The following ADAMTS9 variants were observed in gnomAD, a reference collection of about 807,000 sequenced individuals.
ADAMTS9 encodes A disintegrin and metalloproteinase with thrombospondin motifs 9.
In ADAMTS9, 107 loss-of-function variants were observed where a neutral mutation model predicts 257.1. That is an observed-to-expected ratio of 0.42 (90% CI 0.36 to 0.49). ADAMTS9 has a LOEUF of 0.49. Among genes scored for constraint, ADAMTS9 ranks in the 20% least tolerant of loss-of-function variants. The probability of loss-of-function intolerance (pLI) is 0.03; values close to 1 mark genes in which losing one functional copy is unlikely to be tolerated. For missense variants in ADAMTS9, 2,353 were observed against 2,469.1 expected, an observed-to-expected ratio of 0.95 and a Z score of 1.00; for synonymous variants, 982 against 880.9, an observed-to-expected ratio of 1.11 and a Z score of -2.03.
rs1041585117 is a variant in ADAMTS9 at position 64,650,710 on chromosome 3, T to C, written c.1463+307A>G. ...CTGTGGCCTTCATTAAGAAATCACATTCATAGTCCCTCTCCCAATGTCTGA... is the reference window on the plus strand; with the variant it reads ...CTGTGGCCTTCATTAAGAAATCACACTCATAGTCCCTCTCCCAATGTCTGA... On this transcript the variant is annotated intron_variant, in intron 9 of 39. Coordinates refer to ENST00000498707, the MANE Select transcript of ADAMTS9 (RefSeq NM_182920.2). 6 of 269,052 alleles carry C rather than the reference T, an allele frequency of 2.2e-5. No homozygotes were observed. The Admixed American group carries it at 2.3e-4, about 10-fold the overall frequency. 16.7% of individuals were successfully genotyped at this position (269,052 alleles called of 1,614,324 possible). A position where few individuals can be genotyped will look rare whatever the true frequency, so the allele number is the denominator to read the frequency against.
intron 38 of ADAMTS9, among the ~76,000 whole-genome samples, chr3:64,528,627 C>T (rs1340841407): frequency 6.6e-6 from 1 of 152,124 alleles, no homozygotes; most frequent in Non-Finnish European, 1.5e-5. Context: ...ATGTCCTTCC[C>T]ACCAGCTATC....
rs573076075 is a variant in ADAMTS9 at position 64,604,413 on chromosome 3, G to A, written c.3475-82C>T. 196 of 1,032,712 alleles carry A rather than the reference G, an allele frequency of 1.9e-4. 2 individuals carry two copies. The South Asian group carries it at 3.4e-3, about 18-fold the overall frequency. 64.0% of individuals were successfully genotyped at this position (1,032,712 alleles called of 1,614,324 possible). A position where few individuals can be genotyped will look rare whatever the true frequency, so the allele number is the denominator to read the frequency against. Reference sequence around the variant, plus strand: ...GGTAATGGTCATGGTGGATAAAAATGTAAAGGCTAAGAATTCTAAGGCTTC... The same window carrying A: ...GGTAATGGTCATGGTGGATAAAAATATAAAGGCTAAGAATTCTAAGGCTTC... On this transcript the variant is annotated intron_variant, in intron 23 of 39. Transcript: ENST00000498707.
chr3:64,609,791 A>G (rs529595802), intron 22 of ADAMTS9, among the ~76,000 whole-genome samples: 2 of 152,312 alleles, frequency 1.3e-5, no homozygotes, highest in African/African-American at 2.4e-5. Context: ...TCTCAAATTC[A>G]TATGGAATGA....
At position 64,621,608 on chromosome 3, in the gene ADAMTS9, A is replaced by G. The variant is rs2106862621; in HGVS notation, c.2687-368T>C. Among the ~76,000 whole-genome samples, 2 of 152,032 alleles carry G rather than the reference A, an allele frequency of 1.3e-5. 1 individual carries two copies. The highest frequency in any genetic ancestry group is 4.2e-4 in the South Asian group (2 of 4,812). The stretch of plus-strand genomic sequence containing the variant: ...GAAACCCGTTCTCTACCAAAAACAC[A>G]AAAATTACCCGGGCATGGTGGCATG... On this transcript the variant is annotated intron_variant, in intron 18 of 39. Transcript: ENST00000498707.
intron 28 of ADAMTS9, among the ~76,000 whole-genome samples, chr3:64,573,128 G>A (rs1382631971): frequency 6.6e-6 from 1 of 151,734 alleles, no homozygotes; most frequent in Non-Finnish European, 1.5e-5. Context: ...AAAGGCAGGG[G>A]CTTAGAAAAA....
At chr3:64,585,247 G>A (rs1202020817) in intron 28 of ADAMTS9, among the ~76,000 whole-genome samples, 1 of 152,202 alleles carries the variant, frequency 6.6e-6, no homozygotes, top group Non-Finnish European at 1.5e-5. Context: ...AGCAAACACA[G>A]TCTGCTTTTT....
chr3:64,526,084 T>TACAATATATAGTATATATTATTATAA (rs2082906874), intron 38 of ADAMTS9, among the ~76,000 whole-genome samples: 1 of 113,130 alleles, frequency 8.8e-6, no homozygotes, highest in Non-Finnish European at 1.9e-5. Context: ...TATAATAAAA[T>TACAATATATAGTATATATTATTATAA]AATACAATAT....
intron 12 of ADAMTS9, among the ~76,000 whole-genome samples, chr3:64,639,383 A>G (rs1700584631): frequency 1.5e-5 from 2 of 137,270 alleles, no homozygotes; most frequent in African/African-American, 5.5e-5. Flanking sequence ...GTCTTTAATG[A>G]TCGGTTCTTA....
chr3:64,584,889 A>G (rs1288999095), intron 28 of ADAMTS9, among the ~76,000 whole-genome samples: 1 of 152,184 alleles, frequency 6.6e-6, no homozygotes, highest in South Asian at 2.1e-4. Context: ...TAAATACCGT[A>G]CAACTCTCTA....
At chr3:64,557,172 T>C (rs1332444573) in intron 30 of ADAMTS9, among the ~76,000 whole-genome samples, 1 of 151,834 alleles carries the variant, frequency 6.6e-6, no homozygotes, top group African/African-American at 2.4e-5. Flanking sequence ...GTGACTGAGG[T>C]GAAGGTCAGA....
At chr3:64,670,761 G>A (rs1280527038) in intron 3 of ADAMTS9, among the ~76,000 whole-genome samples, 1 of 152,198 alleles carries the variant, frequency 6.6e-6, no homozygotes, top group Non-Finnish European at 1.5e-5. Flanking sequence ...ATATGCACAT[G>A]AAGAAATACT....
chr3:64,605,505 G>A (rs76547658), intron 23 of ADAMTS9, among the ~76,000 whole-genome samples: 8,287 of 152,192 alleles, frequency 0.054, 753 homozygotes, highest in African/African-American at 0.19. Context: ...ACTTTGAAAG[G>A]CAGCAGATTG....
chr3:64,676,770 T>C (rs1218949013), intron 3 of ADAMTS9, among the ~76,000 whole-genome samples: 1 of 152,220 alleles, frequency 6.6e-6, no homozygotes, highest in Non-Finnish European at 1.5e-5. Context: ...CACAATTGTC[T>C]GATTATTTCC....
chr3:64,620,765 T>C (rs1160360975), intron 19 of ADAMTS9, among the ~76,000 whole-genome samples: 1 of 152,192 alleles, frequency 6.6e-6, no homozygotes, highest in Non-Finnish European at 1.5e-5. Context: ...CTTTGAGGGA[T>C]GAGGTTCTCC....
At chr3:64,623,072 C>T (rs1415137325) in intron 16 of ADAMTS9, among the ~76,000 whole-genome samples, 1 of 152,054 alleles carries the variant, frequency 6.6e-6, no homozygotes, top group Non-Finnish European at 1.5e-5. Flanking sequence ...TCTGAAAATC[C>T]ATGGTTAATA....
intron 9 of ADAMTS9, 196 bp from the exon 10 acceptor site, chr3:64,649,974 A>T: frequency 3.3e-6 from 2 of 598,736 alleles, no homozygotes; most frequent in South Asian, 4.9e-5. Context: ...GTAGAACCAC[A>T]TGCAATGAAT....
intron 3 of ADAMTS9, among the ~76,000 whole-genome samples, chr3:64,659,289 G>A (rs73124249): frequency 0.21 from 31,639 of 151,880 alleles, 3,760 homozygotes; most frequent in Non-Finnish European, 0.27. Flanking sequence ...CCAACGTGTC[G>A]AAGCCCTGTC....
intron 26 of ADAMTS9, 148 bp downstream of exon 26, chr3:64,601,794 ACC>A (rs1442092546): frequency 1.1e-6 from 1 of 909,248 alleles, no homozygotes; most frequent in African/African-American, 1.7e-5. Flanking sequence ...GCTGTAATTA[ACC>A]CATTACAAGT....
At position 64,686,872 on chromosome 3, in the gene ADAMTS9, C is replaced by G; in HGVS notation, c.212G>C (p.Arg71Thr). 6.2e-7 allele frequency: 1 copy of G among 1,614,126 alleles called. No homozygotes were observed. The highest frequency in any genetic ancestry group is 8.5e-7 in the Non-Finnish European group (1 of 1,180,016). Residue 71 changes from arginine (R) to threonine (T), a missense_variant, in exon 2 of 40, where the codon AGA (arginine) becomes ACA (threonine). By Grantham distance (71) the Arg-to-Thr change is moderately conservative. Around this residue, in one of 3 missense-constraint regions of ADAMTS9, gnomAD observed 591 missense variants for 569.6 expected, o/e 1.04. Coordinates refer to ENST00000498707, the MANE Select transcript of ADAMTS9 (RefSeq NM_182920.2). The surrounding 1 kb of genome is among the most constrained non-coding windows in gnomAD (Gnocchi z 4.6). Reference protein sequence around the residue: ...EPFPTNVHFKRTRRSINSATD... With the variant: ...EPFPTNVHFKTTRRSINSATD... ...GGCAGAGTTAATGCTCCGTCGCGTTCTTTTGAAGTGGACGTTCGTGGGAAA... is the reference window on the plus strand; with the variant it reads ...GGCAGAGTTAATGCTCCGTCGCGTTGTTTTGAAGTGGACGTTCGTGGGAAA...
Sources: gnomAD v4.1 joint callset for allele counts (sites outside exome capture counted in the v4.1 genomes callset) on GRCh38, gnomAD v4.1.1 for gene constraint, gnomAD v4.1.1 regional missense constraint, Gnocchi (gnomAD v3.1) non-coding constraint, MANE v1.5 for transcripts, NCBI Gene and HGNC (gene_info 2026-07-23, HGNC 2026-07-21) for gene names.